The following STK3 variants were observed in gnomAD, a reference collection of about 807,000 sequenced individuals.
The protein encoded by STK3 is serine/threonine-protein kinase 3.
A neutral mutation model predicts 58.0 loss-of-function variants in STK3; 41 were observed. The observed-to-expected ratio is 0.71, with a 90% confidence interval of 0.55 to 0.92. STK3 has a LOEUF of 0.92. Among genes scored for constraint, STK3 ranks in the 40% least tolerant of loss-of-function variants. STK3 has a pLI of 0.00. For missense variants in STK3, 479 were observed against 602.7 expected (o/e 0.79, Z 2.15); for synonymous variants, 170 against 191.0 (o/e 0.89, Z 0.91).
intron 1 of STK3, among the ~76,000 whole-genome samples, chr8:98,910,204 T>C (rs1456233467): frequency 6.6e-6 from 1 of 152,246 alleles, no homozygotes; most frequent in Non-Finnish European, 1.5e-5. Flanking sequence ...GTCTTTTTTA[T>C]TGAGTTGTAG....
At chr8:98,467,422 G>A in intron 10 of STK3, among the ~76,000 whole-genome samples, 1 of 152,008 alleles carries the variant, frequency 6.6e-6, no homozygotes, top group East Asian at 1.9e-4. Flanking sequence ...AGTTGTTGGT[G>A]GCATGCTTTA....
chr8:98,785,673 C>T (rs749731006), intron 1 of STK3, among the ~76,000 whole-genome samples: 17 of 152,170 alleles, frequency 1.1e-4, no homozygotes, highest in Non-Finnish European at 2.5e-4. Flanking sequence ...CCCAGTCACA[C>T]TGGCAACACC....
Position 98,508,056 on chromosome 8 carries a change from T to A in STK3, c.1317+18686A>T, listed in dbSNP as rs534948758. On this transcript the variant is annotated intron_variant, in intron 10 of 10. Coordinates refer to ENST00000419617, the MANE Select transcript of STK3 (RefSeq NM_006281.4). ...TGACTGTTTTCTCCATTACAGTATATGCTTTGTGAAGGTAGAGATTTTTGT... is the reference window on the plus strand; with the variant it reads ...TGACTGTTTTCTCCATTACAGTATAAGCTTTGTGAAGGTAGAGATTTTTGT... 1.6e-4 allele frequency among the ~76,000 whole-genome samples: 24 copies of A among 152,296 alleles called. 1 individual carries two copies. In the South Asian group the frequency reaches 5.0e-3, roughly 32 times the overall value.
At position 98,611,971 on chromosome 8, in the gene STK3, G is replaced by A. The variant is rs150351418; in HGVS notation, c.685-15802C>T. ...GGAGAAACTAGGAAAACTAATTCAG[G>A]GGCCAACTCTAGGCAACAACAATCA... is the stretch of plus-strand genomic sequence containing the variant. On this transcript the variant is annotated intron_variant, in intron 6 of 10. Coordinates refer to ENST00000419617, the MANE Select transcript of STK3 (RefSeq NM_006281.4). 6.1e-3 allele frequency among the ~76,000 whole-genome samples: 918 copies of A among 151,086 alleles called. 6 individuals are homozygous for A. The highest frequency in any genetic ancestry group is 0.014 in the Middle Eastern group (4 of 288).
intron 7 of STK3, among the ~76,000 whole-genome samples, chr8:98,588,805 T>C (rs1470339827): frequency 2.0e-5 from 3 of 152,026 alleles, no homozygotes; most frequent in Non-Finnish European, 4.4e-5. Flanking sequence ...TTCCTTTTAT[T>C]CTTTTTTCTC....
At chr8:98,579,544 CA>C in intron 8 of STK3, 119 bp downstream of exon 8, 1 of 1,235,596 alleles carries the variant, frequency 8.1e-7, no homozygotes, top group Admixed American at 2.7e-5. Context: ...TTTTGAGATT[CA>C]ATGAAAAAAC....
At chr8:98,772,592 G>C (rs572396860) in intron 2 of STK3, among the ~76,000 whole-genome samples, 1 of 152,046 alleles carries the variant, frequency 6.6e-6, no homozygotes, top group Non-Finnish European at 1.5e-5. Flanking sequence ...CCAGCTACTC[G>C]GGAGGTTGAG....
the STK3 span, among the ~76,000 whole-genome samples, chr8:98,344,618 G>C: frequency 1.3e-5 from 2 of 152,164 alleles, no homozygotes; most frequent in Non-Finnish European, 2.9e-5. Flanking sequence ...CCTCGGCCGG[G>C]CGCGGTGGCT....
chr8:98,528,292 A>AT, intron 9 of STK3, among the ~76,000 whole-genome samples: 1 of 152,172 alleles, frequency 6.6e-6, no homozygotes, highest in African/African-American at 2.4e-5. Context: ...ATGGCTCTTC[A>AT]TTTTTTATAC....
chr8:98,583,879 G>A (rs1563765565), intron 7 of STK3, among the ~76,000 whole-genome samples: 1 of 151,696 alleles, frequency 6.6e-6, no homozygotes, highest in Non-Finnish European at 1.5e-5. Flanking sequence ...GTGTGTAAGA[G>A]AGACAGAGAG....
intron 1 of STK3, among the ~76,000 whole-genome samples, chr8:98,918,210 G>C (rs1839416719): frequency 6.6e-6 from 1 of 152,174 alleles, no homozygotes; most frequent in Non-Finnish European, 1.5e-5. Context: ...TTGCTCGATA[G>C]TGGGTGCCCA....
At chr8:98,769,540 C>G (rs936672704) in intron 2 of STK3, among the ~76,000 whole-genome samples, 1 of 152,158 alleles carries the variant, frequency 6.6e-6, no homozygotes, top group African/African-American at 2.4e-5. Context: ...CTCTTTCTTT[C>G]GTAAATTGCC....
intron 8 of STK3, among the ~76,000 whole-genome samples, chr8:98,562,540 A>AT (rs1217686773): frequency 6.6e-6 from 1 of 151,500 alleles, no homozygotes; most frequent in African/African-American, 2.4e-5. Context: ...AGCACAATGG[A>AT]TTTTTTTTAA....
At chr8:98,579,587 C>T in intron 8 of STK3, 77 bp downstream of exon 8, 1 of 1,502,254 alleles carries the variant, frequency 6.7e-7, no homozygotes, top group East Asian at 2.3e-5. Context: ...ACAGTAAGTG[C>T]TTTTAATATA....
chr8:98,834,074 G>A (rs1835654184), intron 3 of STK3, among the ~76,000 whole-genome samples: 1 of 152,130 alleles, frequency 6.6e-6, no homozygotes, highest in Admixed American at 6.5e-5. Context: ...CACCTGTTTA[G>A]CTATGTATTC....
chr8:98,707,372 A>G, intron 4 of STK3, 61 bp from the exon 5 acceptor site: 1 of 1,250,838 alleles, frequency 8.0e-7, no homozygotes, highest in East Asian at 2.6e-5. Flanking sequence ...ATCTTACGAA[A>G]GAGCACTAGT....
At chr8:98,876,770 GTC>G (rs1004141392) in intron 3 of STK3, among the ~76,000 whole-genome samples, 3 of 152,238 alleles carry the variant, frequency 2.0e-5, no homozygotes, top group African/African-American at 7.2e-5. Context: ...GAAAGCCTCA[GTC>G]TCTCTGTTTC....
At chr8:98,825,290 G>A (rs962423730) in intron 1 of STK3, among the ~76,000 whole-genome samples, 6 of 152,072 alleles carry the variant, frequency 3.9e-5, no homozygotes, top group East Asian at 2.0e-4. Context: ...CTTTCCACGC[G>A]CCAGGCCTGC....
intron 1 of STK3, chr8:98,904,545 A>T (rs763875251): frequency 4.0e-6 from 2 of 494,966 alleles, no homozygotes; most frequent in Admixed American, 2.3e-5. Context: ...GCAAGTTCTC[A>T]TATATGCCCG....
Sources: allele counts gnomAD v4.1 joint callset (sites outside exome capture counted in the v4.1 genomes callset), GRCh38; gene constraint gnomAD v4.1.1; transcripts MANE v1.5; gene names NCBI Gene and HGNC (gene_info 2026-07-23, HGNC 2026-07-21).